The following BCAM variants were observed in gnomAD, a reference collection of about 807,000 sequenced individuals.
The protein encoded by BCAM is basal cell adhesion molecule (Lutheran blood group).
BCAM carries 61 observed loss-of-function variants against 72.4 expected under a neutral mutation model. That is an observed-to-expected ratio of 0.84 (90% CI 0.69 to 1.04). The LOEUF is 1.04. Ranked by LOEUF, BCAM falls within the 50% of genes least tolerant of loss-of-function variation. The pLI, the probability that BCAM is intolerant of heterozygous loss-of-function variation, is 0.00. For synonymous variants in BCAM, 408 were observed against 384.2 expected (o/e 1.06, Z -0.73); for missense variants, 909 against 895.0 (o/e 1.02, Z -0.20).
rs149302547 is a variant in BCAM at position 44,819,647 on chromosome 19, C to T, written c.1684C>T (p.Leu562Phe). Residue 562 changes from leucine (L) to phenylalanine (F), a missense_variant, in exon 13 of 15, where the codon CTC becomes TTC. Coordinates refer to ENST00000270233, the MANE Select transcript of BCAM (RefSeq NM_005581.5). ...CGTGGCCGTCAGCGTGGGCCTCCTG[C>T]TCCTCGTCGTTGCTGTCTTCTACTG... ...MAVAVSVGLL[L>F]LVVAVFYCVR... is the part of the protein sequence containing the mutation. 1.7e-3 allele frequency: 2,819 copies of T among 1,613,642 alleles called. 8 individuals are homozygous for T. Among genetic ancestry groups the T allele is most frequent in the Non-Finnish European group, 2.0e-3 (2,407 of 1,179,774 alleles).
rs1314551582 is a variant in BCAM, at chr19:44,814,978, T to A, written c.1078+218T>A. Among the ~76,000 whole-genome samples the A allele has an allele frequency of 6.7e-6, 1 of 149,252 alleles. No homozygotes were observed. Among genetic ancestry groups the A allele is most frequent in the African/African-American group, 2.5e-5 (1 of 40,654 alleles). On this transcript the variant is annotated intron_variant, in intron 8 of 14. Coordinates refer to ENST00000270233, the MANE Select transcript of BCAM (RefSeq NM_005581.5). The surrounding 1 kb of genome is among the most constrained non-coding windows in gnomAD (Gnocchi z 4.6). ...GCCCAGGCTGGTCTCGAACTCCTCA[T>A]GCGATCCTCCTGCCTTGCTCTCCCA...
chr19:44,814,249 C>T lies in BCAM; in HGVS notation c.882C>T (p.Asp294=), dbSNP rs568324008. 9 of 1,590,214 alleles carry T rather than the reference C, an allele frequency of 5.7e-6. No homozygotes were observed. Among genetic ancestry groups the T allele is most frequent in the Admixed American group, 3.7e-5 (2 of 53,672 alleles). Residue 294 remains aspartate, a synonymous_variant, in exon 7 of 15, where the codon GAC becomes GAT. Coordinates refer to ENST00000270233, the MANE Select transcript of BCAM (RefSeq NM_005581.5). The surrounding 1 kb of genome is among the most constrained non-coding windows in gnomAD (Gnocchi z 4.6). ...GDTVQLLCRG[D]GSPSPEYTLF... is the part of the protein sequence containing the mutation. ...CTGTCCAGCTGCTCTGCCGGGGGGA[C>T]GGCAGCCCCAGCCCGGAGTATACGC...
In BCAM at chr19:44,813,084, A is replaced by C. The variant is rs550781707; in HGVS notation, c.505-166A>C. On this transcript the variant is annotated intron_variant, in intron 4 of 14. Coordinates refer to ENST00000270233, the MANE Select transcript of BCAM (RefSeq NM_005581.5). The surrounding 1 kb of genome is among the most constrained non-coding windows in gnomAD (Gnocchi z 4.2). ...CTGGAGGATGGTGCTGGAGGCCTGG[A>C]CTCTTTAGTCTGAGTCGGGGACTAG... The C allele has an allele frequency of 8.5e-5, 60 of 707,982 alleles. 1 individual carries two copies. Among genetic ancestry groups the C allele is most frequent in the Non-Finnish European group, 7.4e-5 (32 of 433,498 alleles). The allele number at this position is 707,982 out of a possible 1,614,324, so 43.9% of individuals were successfully genotyped here.
Position 44,811,980 on chromosome 19 carries a change from GA to G in BCAM, c.205-178del, listed in dbSNP as rs1033813200. Reference sequence around the variant, plus strand: ...GAATGAGATGGAGAAAAGGAGACAGGAAAAATCAAGAACTGATAGGGAATGG... The same window carrying G: ...GAATGAGATGGAGAAAAGGAGACAGGAAAATCAAGAACTGATAGGGAATGG... On this transcript the variant is annotated intron_variant, in intron 2 of 14. Coordinates refer to ENST00000270233, the MANE Select transcript of BCAM (RefSeq NM_005581.5). 3 of 639,894 alleles carry G rather than the reference GA, an allele frequency of 4.7e-6. No homozygotes were observed. In the African/African-American group the frequency reaches 5.6e-5, roughly 12 times the overall value. 39.6% of individuals were successfully genotyped at this position (639,894 alleles called of 1,614,324 possible). A position where few individuals can be genotyped will look rare whatever the true frequency, so the allele number is the denominator to read the frequency against.
intron 13 of BCAM, chr19:44,820,132 A>G (rs1335211181): frequency 7.1e-5 from 72 of 1,017,436 alleles, no homozygotes; most frequent in Non-Finnish European, 8.1e-5. Flanking sequence ...ACCATCCTCA[A>G]CTAAGCTCCT....
At chr19:44,811,643 T>G in intron 2 of BCAM, 1 of 355,396 alleles carries the variant, frequency 2.8e-6, no homozygotes, top group Non-Finnish European at 5.3e-6. Context: ...TCCCAGCACT[T>G]TGGGAGGCCG....
chr19:44,813,553 C>T lies in BCAM; in HGVS notation c.717C>T (p.Ala239=), dbSNP rs1261871329. 16 of 1,612,666 alleles carry T rather than the reference C, an allele frequency of 9.9e-6. No homozygotes were observed. The highest frequency in any genetic ancestry group is 1.4e-5 in the Non-Finnish European group (16 of 1,179,938). The part of the protein sequence containing the change: ...DDRDASFHCA[A]HYSLPEGRHG... ...GAGACGCCAGCTTCCACTGCGCCGC[C>T]CACTACAGCCTGCCCGAGGGCCGCC... Residue 239 remains alanine (A), a synonymous_variant, in exon 6 of 15, where the codon GCC becomes GCT. Coordinates refer to ENST00000270233, the MANE Select transcript of BCAM (RefSeq NM_005581.5). This position sits in a 1 kb window ranked among gnomAD's most constrained non-coding sequence, Gnocchi z 4.2.
At chr19:44,820,203 CCT>C in intron 13 of BCAM, 1 of 1,011,844 alleles carries the variant, frequency 9.9e-7, no homozygotes, top group Non-Finnish European at 1.2e-6. Context: ...CCATCATCCC[CCT>C]GAGCTCACCC....
At chr19:44,820,204 C>G (rs1968565869) in intron 13 of BCAM, 3 of 1,011,560 alleles carry the variant, frequency 3.0e-6, no homozygotes, top group Non-Finnish European at 3.5e-6. Flanking sequence ...CATCATCCCC[C>G]TGAGCTCACC....
In BCAM at chr19:44,811,314, A is replaced by G; in HGVS notation, c.172A>G (p.Thr58Ala). The change falls in exon 2 of 15, where the codon ACC becomes GCC. Residue 58 changes from threonine to alanine, a missense_variant. Transcript: ENST00000270233. ...SVILDCTPTG[T>A]HDHYMLEWFL... Reference sequence around the variant, plus strand: ...CATTCTGGACTGCACCCCTACGGGAACCCACGACCATTATATGCTGGAATG... The same window carrying G: ...CATTCTGGACTGCACCCCTACGGGAGCCCACGACCATTATATGCTGGAATG... 6.2e-7 allele frequency: 1 copy of G among 1,613,240 alleles called. No homozygotes were observed. Among genetic ancestry groups the G allele is most frequent in the South Asian group, 1.1e-5 (1 of 91,052 alleles).
chr19:44,813,560 A>G lies in BCAM; in HGVS notation c.724A>G (p.Ser242Gly), dbSNP rs1383552029. The change falls in exon 6 of 15, where the codon AGC (serine) becomes GGC (glycine). Residue 242 changes from serine to glycine, a missense_variant. Ser to Gly is a moderately conservative substitution (Grantham distance 56, BLOSUM62 0). Coordinates refer to ENST00000270233, the MANE Select transcript of BCAM (RefSeq NM_005581.5). This position sits in a 1 kb window ranked among gnomAD's most constrained non-coding sequence, Gnocchi z 4.2. ...DASFHCAAHY[S>G]LPEGRHGRLD... ...CAGCTTCCACTGCGCCGCCCACTAC[A>G]GCCTGCCCGAGGGCCGCCACGGCCG... 8.7e-6 allele frequency: 14 copies of G among 1,612,444 alleles called. No homozygotes were observed. In the Middle Eastern group the frequency reaches 4.9e-4, roughly 57 times the overall value.
Position 44,818,825 on chromosome 19 carries a change from TC to T in BCAM, c.1282del (p.Leu428CysfsTer23). On this transcript the variant is annotated frameshift_variant, in exon 10 of 15. Transcript: ENST00000270233. LOFTEE classifies it high-confidence loss of function. The surrounding 1 kb of genome is among the most constrained non-coding windows in gnomAD (Gnocchi z 4.6). ...DSNGTYVCEA[S>X]LPTVPVLSRT... ...CAATGGCACCTACGTATGTGAGGCCTCCCTGCCCACAGTCCCGGTCCTCAGC... is the reference window on the plus strand; with the variant it reads ...CAATGGCACCTACGTATGTGAGGCCTCCTGCCCACAGTCCCGGTCCTCAGC... 1 of 1,614,042 alleles carries T rather than the reference TC, an allele frequency of 6.2e-7. No individual in the cohort carries two copies. The highest frequency in any genetic ancestry group is 8.5e-7 in the Non-Finnish European group (1 of 1,179,986).
At position 44,813,110 on chromosome 19, in the gene BCAM, GA is replaced by G; in HGVS notation, c.505-138del. The G allele has an allele frequency of 1.1e-6, 1 of 896,858 alleles. No homozygotes were observed. Among genetic ancestry groups the G allele is most frequent in the Non-Finnish European group, 1.7e-6 (1 of 594,442 alleles). The allele number at this position is 896,858 out of a possible 1,614,324, so 55.6% of individuals were successfully genotyped here. The stretch of plus-strand genomic sequence containing the variant: ...CTCTTTAGTCTGAGTCGGGGACTAG[GA>G]ATTTGGACTCCTGGGTCCTGGGAGA... On this transcript the variant is annotated intron_variant, in intron 4 of 14. Transcript: ENST00000270233. The surrounding 1 kb of genome is among the most constrained non-coding windows in gnomAD (Gnocchi z 4.2).
At chr19:44,816,352 CG>C (rs1009297386) in intron 8 of BCAM, among the ~76,000 whole-genome samples, 2 of 152,150 alleles carry the variant, frequency 1.3e-5, no homozygotes, top group African/African-American at 4.8e-5. Flanking sequence ...GTCAGCCCCA[CG>C]GGGTACTTGG....
At chr19:44,811,393 A>G in intron 2 of BCAM, 47 bp downstream of exon 2, 3 of 1,609,566 alleles carry the variant, frequency 1.9e-6, no homozygotes, top group South Asian at 2.2e-5. Context: ...ACAGCAGGGC[A>G]GCAAAGGTTC....
rs537013554 is a variant in BCAM, at chr19:44,810,319, G to A, written c.83-906G>A. ...TTTGCAAGATGACTCGACTTATCCC[G>A]TTTGCTGTTGTATCAAACTGAGGGG... On this transcript the variant is annotated intron_variant, in intron 1 of 14. Coordinates refer to ENST00000270233, the MANE Select transcript of BCAM (RefSeq NM_005581.5). 6.6e-5 allele frequency among the ~76,000 whole-genome samples: 10 copies of A among 152,246 alleles called. No homozygotes were observed. The East Asian group carries it at 1.2e-3, about 18-fold the overall frequency.
rs1009378675 is a variant in BCAM at position 44,812,493 on chromosome 19, C to T, written c.449C>T (p.Thr150Ile). The change falls in exon 4 of 15, where the codon ACT (threonine) becomes ATT (isoleucine). Residue 150 changes from threonine to isoleucine, a missense_variant. Physicochemically the swap from Thr to Ile is moderately conservative, Grantham distance 89. Coordinates refer to ENST00000270233, the MANE Select transcript of BCAM (RefSeq NM_005581.5). This position sits in a 1 kb window ranked among gnomAD's most constrained non-coding sequence, Gnocchi z 5.3. ...TTTTTCACAGCAAAGCCAGAGGCCA[C>T]TGAGGTCTCCCCCAACAAAGGGACA... ...RLNVFAKPEATEVSPNKGTLS... is the reference protein window; with the variant it reads ...RLNVFAKPEAIEVSPNKGTLS... The T allele has an allele frequency of 1.2e-6, 2 of 1,614,250 alleles. No homozygotes were observed. The highest frequency in any genetic ancestry group is 1.7e-6 in the Non-Finnish European group (2 of 1,180,040).
chr19:44,814,100 A>G lies in BCAM; in HGVS notation c.785-52A>G. On this transcript the variant is annotated intron_variant, in intron 6 of 14. Coordinates refer to ENST00000270233, the MANE Select transcript of BCAM (RefSeq NM_005581.5). The surrounding 1 kb of genome is among the most constrained non-coding windows in gnomAD (Gnocchi z 4.6). ...AGGGCTGACCTCTCGCCTGTCCTCT[A>G]GCCTTGACCCTTCCCCTGATCACAA... The G allele has an allele frequency of 6.5e-7, 1 of 1,531,352 alleles. No homozygotes were observed. Among genetic ancestry groups the G allele is most frequent in the Non-Finnish European group, 8.7e-7 (1 of 1,146,748 alleles). 94.9% of individuals were successfully genotyped at this position (1,531,352 alleles called of 1,614,324 possible).
In BCAM at chr19:44,812,280, G is replaced by A; in HGVS notation, c.322G>A (p.Gly108Arg). ...RSPPYQLDSQ[G>R]RLVLAEAQVG... is the part of the protein sequence containing the mutation. ...TCCCCCATACCAGCTGGACTCCCAG[G>A]GGCGCCTGGTGCTGGCTGAGGCCCA... Residue 108 changes from glycine (G) to arginine (R), a missense_variant, in exon 3 of 15, where the codon GGG (glycine) becomes AGG (arginine). Coordinates refer to ENST00000270233, the MANE Select transcript of BCAM (RefSeq NM_005581.5). This position sits in a 1 kb window ranked among gnomAD's most constrained non-coding sequence, Gnocchi z 5.3. The A allele has an allele frequency of 6.2e-7, 1 of 1,611,302 alleles. No homozygotes were observed. Among genetic ancestry groups the A allele is most frequent in the South Asian group, 1.1e-5 (1 of 90,984 alleles).
Sources: gnomAD v4.1 joint callset for allele counts (sites outside exome capture counted in the v4.1 genomes callset) on GRCh38, gnomAD v4.1.1 for gene constraint, Gnocchi (gnomAD v3.1) non-coding constraint, MANE v1.5 for transcripts, NCBI Gene and HGNC (gene_info 2026-07-23, HGNC 2026-07-21) for gene names.